Variants in NEDD9 observed in about 807,000 individuals in gnomAD.
NEDD9 encodes the protein neural precursor cell expressed, developmentally down-regulated 9, also known as enhancer of filamentation 1.
NEDD9 carries 26 observed loss-of-function variants against 76.6 expected under a neutral mutation model. The ratio of observed to expected loss-of-function variants is 0.34; its 90% CI spans 0.25 to 0.47. NEDD9 has a LOEUF of 0.47. Ranked by LOEUF, NEDD9 falls within the 20% of genes least tolerant of loss-of-function variation. The probability of loss-of-function intolerance (pLI) is 1.00; values close to 1 mark genes in which losing one functional copy is unlikely to be tolerated. For synonymous variants in NEDD9, 392 were observed against 414.2 expected, an observed-to-expected ratio of 0.95 and a Z score of 0.65; for missense variants, 937 against 1,058.5, an observed-to-expected ratio of 0.89 and a Z score of 1.59.
intron 3 of NEDD9, among the ~76,000 whole-genome samples, chr6:11,299,103 G>C (rs1760974944): frequency 2.6e-5 from 4 of 152,222 alleles, no homozygotes; most frequent in Admixed American, 2.6e-4. Flanking sequence ...AGCCATGACA[G>C]ACTGTACCTG....
chr6:11,366,375 G>C (rs1278909818), intron 1 of NEDD9, among the ~76,000 whole-genome samples: 1 of 144,152 alleles, frequency 6.9e-6, no homozygotes, highest in African/African-American at 2.6e-5. Flanking sequence ...AAAGAAAGGG[G>C]GAGCAAGACA....
At chr6:11,268,716 G>A (rs1185217911) in intron 3 of NEDD9, among the ~76,000 whole-genome samples, 2 of 148,364 alleles carry the variant, frequency 1.3e-5, no homozygotes, top group East Asian at 2.0e-4. Context: ...CAACAAGAAC[G>A]AAGCTCCATC....
intron 1 of NEDD9, among the ~76,000 whole-genome samples, chr6:11,345,430 A>G (rs1453519060): frequency 1.3e-5 from 2 of 152,056 alleles, no homozygotes; most frequent in African/African-American, 4.8e-5. Flanking sequence ...AATAGAAGAG[A>G]TGGAGCATCG....
chr6:11,330,160 GC>G (rs1762006281), intron 2 of NEDD9, among the ~76,000 whole-genome samples: 1 of 152,190 alleles, frequency 6.6e-6, no homozygotes, highest in Non-Finnish European at 1.5e-5. Context: ...CTGTTAGGCA[GC>G]ACGAGTCCAT....
chr6:11,347,691 C>A (rs1297799260), intron 1 of NEDD9, among the ~76,000 whole-genome samples: 1 of 152,030 alleles, frequency 6.6e-6, no homozygotes, highest in Non-Finnish European at 1.5e-5. Context: ...AAGACAAGAC[C>A]CACGTGATCA....
At chr6:11,256,501 TA>T (rs1760007460) in intron 3 of NEDD9, among the ~76,000 whole-genome samples, 1 of 152,246 alleles carries the variant, frequency 6.6e-6, no homozygotes, top group South Asian at 2.1e-4. Context: ...TTTATTTATT[TA>T]TTTTTTTGAG....
At chr6:11,305,983 A>G (rs1310845244) in intron 3 of NEDD9, 2 of 1,613,904 alleles carry the variant, frequency 1.2e-6, no homozygotes, top group Admixed American at 3.3e-5. Flanking sequence ...TTTTTCTATC[A>G]GTACTCACCC....
At chr6:11,218,057 C>T (rs753503860) in intron 1 of NEDD9, among the ~76,000 whole-genome samples, 10 of 152,242 alleles carry the variant, frequency 6.6e-5, no homozygotes, top group Non-Finnish European at 1.5e-4. Flanking sequence ...TATGTGCTTA[C>T]GCTCTACAGG....
chr6:11,340,457 T>C (rs1006565452), intron 1 of NEDD9, among the ~76,000 whole-genome samples: 2 of 152,232 alleles, frequency 1.3e-5, no homozygotes, highest in Non-Finnish European at 2.9e-5. Context: ...CCAGGTATAA[T>C]TTAGAGAATT....
At chr6:11,350,683 A>G (rs1762449181) in intron 1 of NEDD9, among the ~76,000 whole-genome samples, 1 of 152,184 alleles carries the variant, frequency 6.6e-6, no homozygotes, top group Non-Finnish European at 1.5e-5. Context: ...TGGCTTATTG[A>G]GCCCCTACTT....
intron 1 of NEDD9, among the ~76,000 whole-genome samples, chr6:11,348,963 A>G (rs545771515): frequency 8.5e-5 from 13 of 152,380 alleles, no homozygotes; most frequent in African/African-American, 3.1e-4. Flanking sequence ...ACAGCAAAAG[A>G]AACTATCACC....
Position 11,185,664 on chromosome 6 carries a change from T to C in NEDD9, c.2003A>G (p.Gln668Arg). Residue 668 changes from glutamine (Q) to arginine (R), a missense_variant, in exon 7 of 7, where the codon CAG (glutamine) becomes CGG (arginine). Coordinates refer to ENST00000379446, the MANE Select transcript of NEDD9 (RefSeq NM_006403.4). Reference sequence around the variant, plus strand: ...AATCTCTTGTTCCAACAGCTGGAACTGGCTCAGCTGCAAGGAAGACGAAAG... The same window carrying C: ...AATCTCTTGTTCCAACAGCTGGAACCGGCTCAGCTGCAAGGAAGACGAAAG... ...KMQLEHHQLS[Q>R]FQLLEQEITK... 1.2e-6 allele frequency: 2 copies of C among 1,614,126 alleles called. No homozygotes were observed. Among genetic ancestry groups the C allele is most frequent in the Non-Finnish European group, 1.7e-6 (2 of 1,179,990 alleles).
rs141405417 is a variant in NEDD9 at position 11,365,129 on chromosome 6, A to AACAC, written c.-214+17009_-214+17010insGTGT. Among the ~76,000 whole-genome samples the AACAC allele has an allele frequency of 2.9e-3, 435 of 148,908 alleles. 2 individuals are homozygous for AACAC. Among genetic ancestry groups the AACAC allele is most frequent in the African/African-American group, 9.9e-3 (411 of 41,376 alleles). The stretch of plus-strand genomic sequence containing the variant: ...CCAGATGGGAACACGCTGTCTGACA[A>AACAC]ACAGAGTACTTAATGTTCTGTTTGT... On this transcript the variant is annotated intron_variant, in intron 1 of 3. Transcript: ENST00000397378.
intron 2 of NEDD9, among the ~76,000 whole-genome samples, chr6:11,195,310 C>T (rs751703383): frequency 6.6e-6 from 1 of 152,154 alleles, no homozygotes; most frequent in Admixed American, 6.6e-5. Context: ...AAAAAAGGAA[C>T]CTATTGCTTT....
rs184250566 is a variant in NEDD9, at chr6:11,272,262, C to T, written c.12+33730G>A. ...CTCCCTCCACCTGCAAATCTGTCTT[C>T]GTCTATCACAAATGGTAGTTCCTCT... is the stretch of plus-strand genomic sequence containing the variant. On this transcript the variant is annotated intron_variant, in intron 3 of 3. Coordinates refer to the NEDD9 transcript ENST00000397378. Among the ~76,000 whole-genome samples, 16 of 152,320 alleles carry T rather than the reference C, an allele frequency of 1.1e-4. No individual in the cohort carries two copies. In the East Asian group the frequency reaches 1.7e-3, roughly 17 times the overall value.
At chr6:11,212,729 C>T (rs1758820708) in intron 2 of NEDD9, among the ~76,000 whole-genome samples, 1 of 152,208 alleles carries the variant, frequency 6.6e-6, no homozygotes, top group Non-Finnish European at 1.5e-5. Flanking sequence ...AGTATCTGTG[C>T]ATTTTTAAAT....
rs1006443951 is a variant in NEDD9 at position 11,319,337 on chromosome 6, ACACACTCACATG to A, written c.-152-13194_-152-13183del. 2.1e-3 allele frequency among the ~76,000 whole-genome samples: 320 copies of A among 152,206 alleles called. 1 individual carries two copies. Among genetic ancestry groups the A allele is most frequent in the African/African-American group, 6.2e-3 (257 of 41,512 alleles). ...TGTGCACTCACACTCTCACACACCC[ACACACTCACATG>A]CACACTCACATGCACACTAACATAC... On this transcript the variant is annotated intron_variant, in intron 2 of 3. Transcript: ENST00000397378.
chr6:11,256,658 T>C (rs2113315540), intron 3 of NEDD9, among the ~76,000 whole-genome samples: 1 of 152,216 alleles, frequency 6.6e-6, no homozygotes, highest in East Asian at 1.9e-4. Context: ...GAGACAGGGT[T>C]TCGCCATGTT....
In NEDD9 at chr6:11,241,143, T is replaced by G. The variant is rs1342493047; in HGVS notation, c.13-27416A>C. Among the ~76,000 whole-genome samples, 1 of 152,238 alleles carries G rather than the reference T, an allele frequency of 6.6e-6. No individual in the cohort carries two copies. The highest frequency in any genetic ancestry group is 1.5e-5 in the Non-Finnish European group (1 of 68,040). On this transcript the variant is annotated intron_variant, in intron 3 of 3. Coordinates refer to the NEDD9 transcript ENST00000397378. This position sits in a 1 kb window ranked among gnomAD's most constrained non-coding sequence, Gnocchi z 4.0. The stretch of plus-strand genomic sequence containing the variant: ...CAACATCAAATAAACAGGAATGGAC[T>G]CTCATGGCTGAAATGAGAGTGGCCG...
Sources: gnomAD v4.1 joint callset for allele counts (sites outside exome capture counted in the v4.1 genomes callset) on GRCh38, gnomAD v4.1.1 for gene constraint, Gnocchi (gnomAD v3.1) non-coding constraint, MANE v1.5 for transcripts, NCBI Gene and HGNC (gene_info 2026-07-23, HGNC 2026-07-21) for gene names.